PDE4D: variants seen among roughly 807,000 people sequenced by gnomAD.
The protein encoded by PDE4D is 3',5'-cyclic-AMP phosphodiesterase 4D.
PDE4D carries 24 observed loss-of-function variants against 87.4 expected under a neutral mutation model. The observed-to-expected ratio is 0.27, with a 90% CI of 0.20 to 0.39. The LOEUF is 0.39. Ranked by LOEUF, PDE4D falls within the 10% of genes least tolerant of loss-of-function variation. PDE4D has a pLI of 1.00. For missense variants in PDE4D, 714 were observed against 1,041.0 expected (o/e 0.69, Z 4.32); for synonymous variants, 384 against 383.2 (o/e 1.00, Z -0.02).
At chr5:60,062,488 A>G (rs1206145642) in intron 2 of PDE4D, among the ~76,000 whole-genome samples, 2 of 152,194 alleles carry the variant, frequency 1.3e-5, no homozygotes, top group Admixed American at 6.5e-5. Context: ...TAGTTCAACC[A>G]TTGTGGAAGA....
chr5:60,349,251 A>T (rs1179545914), intron 1 of PDE4D, among the ~76,000 whole-genome samples: 2 of 152,182 alleles, frequency 1.3e-5, no homozygotes, highest in Non-Finnish European at 2.9e-5. Flanking sequence ...TTTTCGTATT[A>T]AATACATGAA....
chr5:59,041,324 CA>C (rs917066877), intron 5 of PDE4D, among the ~76,000 whole-genome samples: 2 of 152,198 alleles, frequency 1.3e-5, no homozygotes, highest in Non-Finnish European at 2.9e-5. Context: ...CCCTAAAGAT[CA>C]CAAACAATAC....
At chr5:59,065,065 TATACACACACACACACACACACAC>T (rs772975473) in intron 5 of PDE4D, among the ~76,000 whole-genome samples, 243 of 10,520 alleles carry the variant, frequency 0.023, 3 homozygotes, top group Non-Finnish European at 0.038. Context: ...GTGATATATA[TATACACACACACACACACACACAC>T]ACACACACAC....
intron 1 of PDE4D, among the ~76,000 whole-genome samples, chr5:60,240,636 C>A (rs912112673): frequency 6.6e-6 from 1 of 152,086 alleles, no homozygotes; most frequent in Non-Finnish European, 1.5e-5. Flanking sequence ...GCAACAGGCA[C>A]GCTTCTGTCA....
At chr5:59,838,771 C>T (rs552546960) in intron 1 of PDE4D, among the ~76,000 whole-genome samples, 10 of 152,102 alleles carry the variant, frequency 6.6e-5, no homozygotes, top group Admixed American at 2.6e-4. Flanking sequence ...GGATGAAAGA[C>T]GTAGGCAAAC....
chr5:59,340,148 G>T (rs1460600754), intron 1 of PDE4D, among the ~76,000 whole-genome samples: 1 of 152,076 alleles, frequency 6.6e-6, no homozygotes, highest in African/African-American at 2.4e-5. Flanking sequence ...CTAGAAACAA[G>T]CACAGAGTGA....
intron 1 of PDE4D, among the ~76,000 whole-genome samples, chr5:59,585,200 C>A (rs1048969587): frequency 6.6e-6 from 1 of 152,134 alleles, no homozygotes; most frequent in Non-Finnish European, 1.5e-5. Flanking sequence ...AAAATAAGCA[C>A]CTGCCTAGAG....
intron 1 of PDE4D, among the ~76,000 whole-genome samples, chr5:59,545,964 T>C (rs1172033027): frequency 6.6e-6 from 1 of 152,168 alleles, no homozygotes; most frequent in East Asian, 1.9e-4. Flanking sequence ...TTCCAAACCC[T>C]GAGTCCACCC....
At chr5:59,299,240 C>T (rs1369100337) in intron 1 of PDE4D, among the ~76,000 whole-genome samples, 1 of 152,144 alleles carries the variant, frequency 6.6e-6, no homozygotes, top group Admixed American at 6.6e-5. Context: ...TTGTTAATGA[C>T]CCCCGGAAGC....
chr5:60,204,582 A>G (rs1362872329), intron 1 of PDE4D, among the ~76,000 whole-genome samples: 2 of 152,260 alleles, frequency 1.3e-5, no homozygotes, highest in Non-Finnish European at 2.9e-5. Context: ...CATATGATAT[A>G]GCAAATCTAA....
At chr5:60,366,752 T>C (rs1760585243) in intron 1 of PDE4D, among the ~76,000 whole-genome samples, 1 of 152,192 alleles carries the variant, frequency 6.6e-6, no homozygotes, top group Non-Finnish European at 1.5e-5. Flanking sequence ...CAGTGAAGAA[T>C]CTGCAAAAAT....
At chr5:59,008,871 C>A (rs1189312073) in intron 6 of PDE4D, among the ~76,000 whole-genome samples, 1 of 151,918 alleles carries the variant, frequency 6.6e-6, no homozygotes, top group East Asian at 1.9e-4. Context: ...AAAATCTTTA[C>A]AACACAATAA....
intron 1 of PDE4D, among the ~76,000 whole-genome samples, chr5:59,860,824 T>A (rs1282131252): frequency 6.6e-6 from 1 of 152,034 alleles, no homozygotes; most frequent in Admixed American, 6.6e-5. Flanking sequence ...AATGCTAACA[T>A]AACCTTGTTG....
At chr5:59,091,793 TTGTTA>T (rs1192763553) in intron 5 of PDE4D, among the ~76,000 whole-genome samples, 1 of 152,134 alleles carries the variant, frequency 6.6e-6, no homozygotes, top group Non-Finnish European at 1.5e-5. Context: ...TTCTTAAATT[TTGTTA>T]TATTTCACAA....
At chr5:59,128,231 G>C (rs1381230056) in intron 5 of PDE4D, among the ~76,000 whole-genome samples, 1 of 151,904 alleles carries the variant, frequency 6.6e-6, no homozygotes, top group Non-Finnish European at 1.5e-5. Context: ...CCCACGTGAA[G>C]CCCATATTCA....
At chr5:60,361,347 T>G (rs1760048048) in intron 1 of PDE4D, among the ~76,000 whole-genome samples, 1 of 152,184 alleles carries the variant, frequency 6.6e-6, no homozygotes, top group Non-Finnish European at 1.5e-5. Flanking sequence ...AATTAGTTAC[T>G]TGATGTAGCT....
intron 1 of PDE4D, among the ~76,000 whole-genome samples, chr5:59,879,469 A>G (rs1749123001): frequency 6.6e-6 from 1 of 152,266 alleles, no homozygotes; most frequent in Non-Finnish European, 1.5e-5. Flanking sequence ...ACTGTTTAAT[A>G]ATCAGATGGC....
At chr5:59,397,844 A>G (rs1582381593) in intron 1 of PDE4D, among the ~76,000 whole-genome samples, 1 of 121,846 alleles carries the variant, frequency 8.2e-6, no homozygotes, top group African/African-American at 3.3e-5. Flanking sequence ...CAAGACTAAT[A>G]AAGAAAAAAA....
At chr5:59,071,556 T>C (rs1458225959) in intron 5 of PDE4D, among the ~76,000 whole-genome samples, 2 of 151,302 alleles carry the variant, frequency 1.3e-5, no homozygotes, top group Non-Finnish European at 2.9e-5. Flanking sequence ...TTTTTTTTTT[T>C]CCATAGCATC....
Sources: gnomAD v4.1 joint callset for allele counts (sites outside exome capture counted in the v4.1 genomes callset) on GRCh38, gnomAD v4.1.1 for gene constraint, MANE v1.5 for transcripts, NCBI Gene and HGNC (gene_info 2026-07-23, HGNC 2026-07-21) for gene names.